Variants in CNTRL observed in about 807,000 individuals in gnomAD.
CNTRL encodes the protein 110 kDa centrosomal protein.
Under a neutral mutation model 303.7 loss-of-function variants are expected in CNTRL, and 233 were observed. The ratio of observed to expected loss-of-function variants is 0.77; its 90% CI spans 0.69 to 0.86. CNTRL has a LOEUF of 0.86. Ranked by LOEUF, CNTRL falls within the 40% of genes least tolerant of loss-of-function variation. The pLI, the probability that CNTRL is intolerant of heterozygous loss-of-function variation, is 0.00. For synonymous variants in CNTRL, 900 were observed against 922.2 expected, an observed-to-expected ratio of 0.98 and a Z score of 0.44; for missense variants, 2,524 against 2,650.6, an observed-to-expected ratio of 0.95 and a Z score of 1.05.
chr9:121,107,160 A>T (rs965707086), intron 7 of CNTRL, among the ~76,000 whole-genome samples: 12 of 151,848 alleles, frequency 7.9e-5, no homozygotes, highest in Non-Finnish European at 1.2e-4. Flanking sequence ...GCTTCTCAAA[A>T]TTTTTTTTTA....
chr9:121,148,654 T>C lies in CNTRL; in HGVS notation c.3460-18T>C. On this transcript the variant is annotated intron_variant, in intron 23 of 43. Coordinates refer to ENST00000373855, the MANE Select transcript of CNTRL (RefSeq NM_007018.6). ...TCCATTTATAATAGATAGTGTGCTC[T>C]GCTGTCATTTGTTTTAGGTTTCCAG... The C allele has an allele frequency of 6.2e-7, 1 of 1,607,240 alleles. No individual in the cohort carries two copies. Among genetic ancestry groups the C allele is most frequent in the Non-Finnish European group, 8.5e-7 (1 of 1,175,208 alleles).
At chr9:121,113,380 C>A in intron 9 of CNTRL, 122 bp from the exon 10 acceptor site, 1 of 521,532 alleles carries the variant, frequency 1.9e-6, no homozygotes, top group East Asian at 3.1e-5. Context: ...AGCTCCTAGG[C>A]ATGTAGAATT....
chr9:121,129,140 A>T (rs557590543), intron 14 of CNTRL, among the ~76,000 whole-genome samples: 11 of 152,266 alleles, frequency 7.2e-5, no homozygotes, highest in African/African-American at 2.6e-4. Context: ...TTTTGGTTCC[A>T]TATGAACTTT....
At chr9:121,124,724 G>T (rs2050410106) in intron 13 of CNTRL, among the ~76,000 whole-genome samples, 1 of 148,372 alleles carries the variant, frequency 6.7e-6, no homozygotes, top group Admixed American at 6.9e-5. Flanking sequence ...TATCATTTGA[G>T]CCCAGGAGTT....
Position 121,107,982 on chromosome 9 carries a change from C to A in CNTRL, c.989C>A (p.Thr330Lys). 6.4e-7 allele frequency: 1 copy of A among 1,573,188 alleles called. No individual in the cohort carries two copies. The highest frequency in any genetic ancestry group is 2.1e-5 in the Admixed American group (1 of 48,540). Residue 330 changes from threonine to lysine, a missense_variant, in exon 8 of 44, where the codon ACA (threonine) becomes AAA (lysine). Transcript: ENST00000373855. The part of the protein sequence containing the change: ...SCEELKSDLN[T>K]KNELLKQKTI... ...GAGGAACTCAAGAGTGACTTAAACA[C>A]AAAAAATGAATTGGTAAGTTCATAT...
At chr9:121,159,871 C>A (rs2052766557) in intron 31 of CNTRL, among the ~76,000 whole-genome samples, 1 of 152,142 alleles carries the variant, frequency 6.6e-6, no homozygotes, top group African/African-American at 2.4e-5. Context: ...GAGCAGGAGC[C>A]ATGTCTCAGT....
intron 37 of CNTRL, 66 bp downstream of exon 37, chr9:121,167,743 CT>C: frequency 1.4e-6 from 2 of 1,421,260 alleles, no homozygotes; most frequent in Non-Finnish European, 9.7e-7. Context: ...TATTTTTCCC[CT>C]GGCAGAAAGC....
At position 121,094,871 on chromosome 9, in the gene CNTRL, C is replaced by A; in HGVS notation, c.349-17C>A. 1 of 1,516,468 alleles carries A rather than the reference C, an allele frequency of 6.6e-7. No individual in the cohort carries two copies. Among genetic ancestry groups the A allele is most frequent in the Non-Finnish European group, 9.0e-7 (1 of 1,111,796 alleles). 93.9% of individuals were successfully genotyped at this position (1,516,468 alleles called of 1,614,324 possible). A position where few individuals can be genotyped will look rare whatever the true frequency, so the allele number is the denominator to read the frequency against. The stretch of plus-strand genomic sequence containing the variant: ...TCATCTGTTGTGTAAAGTATTCATT[C>A]ATTTGTTTCCAATTAGTATATTGAG... On this transcript the variant is annotated splice_polypyrimidine_tract_variant and intron_variant, in intron 4 of 43. Coordinates refer to ENST00000373855, the MANE Select transcript of CNTRL (RefSeq NM_007018.6).
intron 8 of CNTRL, among the ~76,000 whole-genome samples, chr9:121,108,832 A>G (rs1023068071): frequency 4.6e-5 from 7 of 152,136 alleles, no homozygotes; most frequent in Admixed American, 3.3e-4. Context: ...CATTGTAACA[A>G]ATTTAGACAA....
rs538150671 is a variant in CNTRL at position 121,082,878 on chromosome 9, G to A, written c.-32+2400G>A. ...CCAGCTACTCAGGAGGCTGAGGCAGGAGAATCGCTTGAACCCAGGAGGTGG... is the reference window on the plus strand; with the variant it reads ...CCAGCTACTCAGGAGGCTGAGGCAGAAGAATCGCTTGAACCCAGGAGGTGG... On this transcript the variant is annotated intron_variant, in intron 2 of 43. Coordinates refer to ENST00000373855, the MANE Select transcript of CNTRL (RefSeq NM_007018.6). Among the ~76,000 whole-genome samples the A allele has an allele frequency of 3.7e-3, 553 of 150,962 alleles. 2 individuals are homozygous for A. The highest frequency in any genetic ancestry group is 6.5e-3 in the Non-Finnish European group (444 of 67,904).
intron 6 of CNTRL, 31 bp from the exon 7 acceptor site, chr9:121,098,354 AT>A (rs2048979653): frequency 7.0e-7 from 1 of 1,432,886 alleles, no homozygotes; most frequent in South Asian, 1.2e-5. Context: ...TTTAAATTAA[AT>A]TATACCAATA....
intron 42 of CNTRL, 108 bp from the exon 43 acceptor site, chr9:121,174,910 A>G: frequency 2.1e-6 from 2 of 950,348 alleles, no homozygotes; most frequent in Non-Finnish European, 3.4e-6. Flanking sequence ...TTTGACAGCC[A>G]TTCCTACTGT....
At chr9:121,155,752 G>C (rs1367278046) in intron 27 of CNTRL, among the ~76,000 whole-genome samples, 1 of 152,196 alleles carries the variant, frequency 6.6e-6, no homozygotes, top group Non-Finnish European at 1.5e-5. Context: ...TGGCAGCCCT[G>C]TGTAGATGAT....
In CNTRL at chr9:121,092,510, A is replaced by G. The variant is rs1404799064; in HGVS notation, c.348+2105A>G. Among the ~76,000 whole-genome samples the G allele has an allele frequency of 5.2e-5, 3 of 57,672 alleles. 1 individual carries two copies. Among genetic ancestry groups the G allele is most frequent in the African/African-American group, 1.6e-4 (3 of 18,906 alleles). 37.8% of individuals were successfully genotyped at this position (57,672 alleles called of 152,430 possible). Reference sequence around the variant, plus strand: ...TAATATATATCTATATATATAATATATATCTATATATATAATATATATCTA... The same window carrying G: ...TAATATATATCTATATATATAATATGTATCTATATATATAATATATATCTA... On this transcript the variant is annotated intron_variant, in intron 4 of 43. Transcript: ENST00000373855.
chr9:121,116,528 G>A (rs1463652693), intron 11 of CNTRL, among the ~76,000 whole-genome samples: 4 of 152,132 alleles, frequency 2.6e-5, no homozygotes, highest in African/African-American at 9.6e-5. Context: ...TCACCATATT[G>A]ACCAGGCTGG....
At chr9:121,100,431 C>A (rs1178246740) in intron 7 of CNTRL, among the ~76,000 whole-genome samples, 1 of 152,220 alleles carries the variant, frequency 6.6e-6, no homozygotes, top group South Asian at 2.1e-4. Flanking sequence ...AAAGGAACAA[C>A]TGGTACCAGC....
chr9:121,167,666 C>A lies in CNTRL; in HGVS notation c.5833C>A (p.Gln1945Lys). The A allele has an allele frequency of 6.2e-7, 1 of 1,613,478 alleles. No homozygotes were observed. The highest frequency in any genetic ancestry group is 8.5e-7 in the Non-Finnish European group (1 of 1,179,656). Residue 1945 changes from glutamine to lysine, a missense_variant, in exon 37 of 44, where the codon CAA (glutamine) becomes AAA (lysine). Physicochemically the swap from Gln to Lys is moderately conservative, Grantham distance 53. Transcript: ENST00000373855. ...EIEENKLKLV[Q>K]QEMMFQRLQK... ...TGAAGAAAACAAGCTCAAACTAGTCCAACAAGAAATGGTACTACACATTTA... is the reference window on the plus strand; with the variant it reads ...TGAAGAAAACAAGCTCAAACTAGTCAAACAAGAAATGGTACTACACATTTA...
rs150709192 is a variant in CNTRL, at chr9:121,137,871, T to C, written c.2203-674T>C. On this transcript the variant is annotated intron_variant, in intron 15 of 43. Coordinates refer to ENST00000373855, the MANE Select transcript of CNTRL (RefSeq NM_007018.6). Reference sequence around the variant, plus strand: ...TTCTTCTCATAAGTCTTGACAAAATTATTTTAAGAGCCTGGCCTTTTCACC... The same window carrying C: ...TTCTTCTCATAAGTCTTGACAAAATCATTTTAAGAGCCTGGCCTTTTCACC... Among the ~76,000 whole-genome samples the C allele has an allele frequency of 2.0e-4, 31 of 152,320 alleles. No individual in the cohort carries two copies. In the East Asian group the frequency reaches 5.4e-3, roughly 27 times the overall value.
At chr9:121,077,775 C>G (rs55928625) in intron 1 of CNTRL, among the ~76,000 whole-genome samples, 2,480 of 122,700 alleles carry the variant, frequency 0.02, 67 homozygotes, top group African/African-American at 0.06. Context: ...TGAGACCCCC[C>G]ATCTCTACAA....
Sources: allele counts gnomAD v4.1 joint callset (sites outside exome capture counted in the v4.1 genomes callset), GRCh38; gene constraint gnomAD v4.1.1; transcripts MANE v1.5; gene names NCBI Gene and HGNC (gene_info 2026-07-23, HGNC 2026-07-21).